SLC25A21: variants seen among roughly 807,000 people sequenced by gnomAD.
SLC25A21 encodes solute carrier family 25 member 21, also known as mitochondrial 2-oxodicarboxylate carrier.
Under a neutral mutation model 43.8 loss-of-function variants are expected in SLC25A21, and 47 were observed. That is an observed-to-expected ratio of 1.07 (90% CI 0.85 to 1.37). The LOEUF (loss-of-function observed/expected upper bound fraction) is 1.37. SLC25A21 is among the 40% of genes most tolerant of loss of function. The probability of loss-of-function intolerance (pLI) is 0.00; values close to 1 mark genes in which losing one functional copy is unlikely to be tolerated. For missense variants in SLC25A21, 352 were observed against 350.2 expected, an observed-to-expected ratio of 1.00 and a Z score of -0.04; for synonymous variants, 131 against 121.3, an observed-to-expected ratio of 1.08 and a Z score of -0.52.
At chr14:37,002,504 A>G (rs1391018301) in intron 1 of SLC25A21, among the ~76,000 whole-genome samples, 5 of 152,194 alleles carry the variant, frequency 3.3e-5, no homozygotes, top group Non-Finnish European at 7.3e-5. Flanking sequence ...TATATAAAGA[A>G]GGAGCACACG....
At chr14:36,736,798 T>A (rs1885059822) in intron 3 of SLC25A21, among the ~76,000 whole-genome samples, 1 of 152,174 alleles carries the variant, frequency 6.6e-6, no homozygotes, top group Non-Finnish European at 1.5e-5. Context: ...ATGGATCTTT[T>A]GAAAGGTGTG....
chr14:37,026,599 A>C (rs1194231111), intron 1 of SLC25A21, among the ~76,000 whole-genome samples: 1 of 152,196 alleles, frequency 6.6e-6, no homozygotes, highest in Admixed American at 6.6e-5. Flanking sequence ...GAAGGAAAAC[A>C]AAGTGTCCCA....
At chr14:36,829,199 C>T (rs183002043) in intron 2 of SLC25A21, among the ~76,000 whole-genome samples, 61 of 152,206 alleles carry the variant, frequency 4.0e-4, no homozygotes, top group Non-Finnish European at 6.0e-4. Flanking sequence ...CACCTGGTCA[C>T]TCTCTACCCA....
At chr14:36,819,477 C>T (rs1408336535) in intron 2 of SLC25A21, among the ~76,000 whole-genome samples, 3 of 151,984 alleles carry the variant, frequency 2.0e-5, no homozygotes, top group African/African-American at 7.2e-5. Flanking sequence ...TTAAACTAGT[C>T]TGTGACTCAG....
chr14:37,072,944 T>C (rs1340577101), intron 1 of SLC25A21, among the ~76,000 whole-genome samples: 1 of 152,200 alleles, frequency 6.6e-6, no homozygotes, highest in South Asian at 2.1e-4. Context: ...ATAAAAGCTA[T>C]ACACATTTAT....
intron 1 of SLC25A21, among the ~76,000 whole-genome samples, chr14:36,909,888 A>G (rs1891636741): frequency 6.6e-6 from 1 of 152,186 alleles, no homozygotes; most frequent in Admixed American, 6.6e-5. Flanking sequence ...GAAGCATAAT[A>G]CAAACTCTCC....
chr14:36,972,545 G>A (rs1959775091), intron 1 of SLC25A21, among the ~76,000 whole-genome samples: 1 of 152,146 alleles, frequency 6.6e-6, no homozygotes. Flanking sequence ...CTGAACACTG[G>A]CCAGCAGGCT....
intron 1 of SLC25A21, among the ~76,000 whole-genome samples, chr14:37,163,077 T>C (rs1963974200): frequency 7.1e-6 from 1 of 140,790 alleles, no homozygotes; most frequent in South Asian, 2.2e-4. Flanking sequence ...CACTCATAGG[T>C]GGGAATTGAA....
rs1331481787 is a variant in SLC25A21, at chr14:36,732,646, AC to A, written c.270+1860del. ...AAAGTGTCAGTACCAAAGAATACAC[AC>A]ACACACCCCGCCCCCCTCAGTCTCT... On this transcript the variant is annotated intron_variant, in intron 4 of 9. Coordinates refer to ENST00000331299, the MANE Select transcript of SLC25A21 (RefSeq NM_030631.4). Among the ~76,000 whole-genome samples, 7 of 152,270 alleles carry A rather than the reference AC, an allele frequency of 4.6e-5. No individual in the cohort carries two copies. In the East Asian group the frequency reaches 1.4e-3, roughly 29 times the overall value.
At chr14:37,008,561 T>G (rs1370769057) in intron 1 of SLC25A21, among the ~76,000 whole-genome samples, 1 of 152,130 alleles carries the variant, frequency 6.6e-6, no homozygotes, top group Non-Finnish European at 1.5e-5. Context: ...AGGCACTGAT[T>G]TTTAAACTAC....
chr14:36,942,232 G>A (rs1010650270), intron 1 of SLC25A21, among the ~76,000 whole-genome samples: 1 of 151,746 alleles, frequency 6.6e-6, no homozygotes, highest in East Asian at 1.9e-4. Flanking sequence ...AATTCTTCGC[G>A]ATTAGAAAGC....
intron 1 of SLC25A21, among the ~76,000 whole-genome samples, chr14:36,889,134 G>A (rs1325813659): frequency 6.6e-6 from 1 of 152,148 alleles, no homozygotes; most frequent in Non-Finnish European, 1.5e-5. Flanking sequence ...AGTATTCCAG[G>A]TAAATTCCAT....
At chr14:36,691,286 A>G (rs902975439) in intron 7 of SLC25A21, among the ~76,000 whole-genome samples, 2 of 152,198 alleles carry the variant, frequency 1.3e-5, no homozygotes, top group African/African-American at 4.8e-5. Context: ...AAGTGACAGA[A>G]AATAAAAATC....
Position 36,892,737 on chromosome 14 carries a change from C to G in SLC25A21, c.71-17733G>C, listed in dbSNP as rs544458253. Among the ~76,000 whole-genome samples, 5 of 152,128 alleles carry G rather than the reference C, an allele frequency of 3.3e-5. No homozygotes were observed. The East Asian group carries it at 9.7e-4, about 30-fold the overall frequency. ...CAACTGGCCCCGGTGTGTGATGTTC[C>G]CCTTCCTGTGTCCATGTGTTCTCAA... On this transcript the variant is annotated intron_variant, in intron 1 of 9. Transcript: ENST00000331299.
intron 1 of SLC25A21, among the ~76,000 whole-genome samples, chr14:37,046,145 C>T (rs1320285962): frequency 6.6e-6 from 1 of 152,076 alleles, no homozygotes; most frequent in African/African-American, 2.4e-5. Context: ...AGGGGAACAG[C>T]CAGAACTCCA....
At chr14:36,803,252 G>C (rs1357972381) in intron 3 of SLC25A21, among the ~76,000 whole-genome samples, 1 of 152,134 alleles carries the variant, frequency 6.6e-6, no homozygotes, top group Non-Finnish European at 1.5e-5. Context: ...TAAACAGGTA[G>C]TTAAGAAACA....
chr14:37,120,279 T>G (rs1963183884), intron 1 of SLC25A21, among the ~76,000 whole-genome samples: 1 of 152,204 alleles, frequency 6.6e-6, no homozygotes, highest in South Asian at 2.1e-4. Flanking sequence ...AATCAACATG[T>G]GTTTTAAACA....
chr14:36,727,903 CTT>C (rs1374496954), intron 5 of SLC25A21, among the ~76,000 whole-genome samples: 1 of 152,142 alleles, frequency 6.6e-6, no homozygotes, highest in African/African-American at 2.4e-5. Flanking sequence ...GTCCCAAACT[CTT>C]TTGACTGGGA....
chr14:36,769,735 A>G (rs1250903024), intron 3 of SLC25A21, among the ~76,000 whole-genome samples: 1 of 152,242 alleles, frequency 6.6e-6, no homozygotes, highest in African/African-American at 2.4e-5. Context: ...AATAGAATTC[A>G]TGACAAGAAA....
Sources: allele counts gnomAD v4.1 joint callset (sites outside exome capture counted in the v4.1 genomes callset), GRCh38; gene constraint gnomAD v4.1.1; transcripts MANE v1.5; gene names NCBI Gene and HGNC (gene_info 2026-07-23, HGNC 2026-07-21).